The following MVK variants were observed in gnomAD, a reference collection of about 807,000 sequenced individuals.
MVK encodes LH receptor mRNA-binding protein.
Under a neutral mutation model 43.2 loss-of-function variants are expected in MVK, and 34 were observed. The ratio of observed to expected loss-of-function variants is 0.79; its 90% CI spans 0.60 to 1.05. The LOEUF is 1.05. Among genes scored for constraint, MVK ranks in the 50% least tolerant of loss-of-function variants. The pLI is 0.00. For missense variants in MVK, 395 were observed against 504.0 expected, an observed-to-expected ratio of 0.78 and a Z score of 2.07; for synonymous variants, 190 against 219.8, an observed-to-expected ratio of 0.86 and a Z score of 1.20.
intron 9 of MVK, 108 bp downstream of exon 9, chr12:109,591,465 A>C (rs1015042951): frequency 5.6e-6 from 6 of 1,072,344 alleles, no homozygotes; most frequent in Non-Finnish European, 7.0e-6. Context: ...TAGCACATAG[A>C]GGTCAGGACC....
intron 3 of MVK, among the ~76,000 whole-genome samples, chr12:109,577,579 A>G (rs1053177064): frequency 1.1e-4 from 16 of 152,168 alleles, no homozygotes; most frequent in Admixed American, 9.2e-4. Flanking sequence ...GGGCTCCCAA[A>G]GTGCTGGGGT....
intron 5 of MVK, among the ~76,000 whole-genome samples, chr12:109,581,809 CTG>C (rs1020199467): frequency 6.6e-6 from 1 of 152,224 alleles, no homozygotes; most frequent in African/African-American, 2.4e-5. Context: ...CATCTTGGCT[CTG>C]TTGGTTTCAA....
intron 9 of MVK, among the ~76,000 whole-genome samples, chr12:109,593,404 T>A (rs1261460905): frequency 6.6e-6 from 1 of 152,186 alleles, no homozygotes; most frequent in East Asian, 1.9e-4. Flanking sequence ...CCTCAGTGAT[T>A]GGCAACTCCT....
intron 2 of MVK, 82 bp downstream of exon 2, chr12:109,574,982 GAGGCACAGCTTGGGAGCAGATCAGAGAGA>G (rs1253117899): frequency 3.6e-6 from 5 of 1,371,310 alleles, no homozygotes; most frequent in Non-Finnish European, 5.1e-6. Context: ...AGGACACCCT[GAGGCACAGCTTGGGAGCAGATCAGAGAGA>G]TCAGGTTCTC....
At chr12:109,596,114 A>G (rs1228789726) in intron 10 of MVK, among the ~76,000 whole-genome samples, 2 of 152,182 alleles carry the variant, frequency 1.3e-5, no homozygotes, top group Non-Finnish European at 2.9e-5. Context: ...CCATTCCCAG[A>G]TGAGGAGACT....
intron 5 of MVK, among the ~76,000 whole-genome samples, chr12:109,582,687 T>G (rs1050286200): frequency 2.3e-5 from 3 of 132,942 alleles, no homozygotes; most frequent in African/African-American, 8.4e-5. Context: ...CTTTGAAGAC[T>G]CAAATCTGAG....
intron 5 of MVK, 66 bp downstream of exon 5, chr12:109,581,616 A>T: frequency 6.2e-7 from 1 of 1,607,720 alleles, no homozygotes; most frequent in South Asian, 1.1e-5. Context: ...GGCTTCTCTC[A>T]CTGAGACCTC....
At chr12:109,590,337 A>T in intron 7 of MVK, 1 of 316,238 alleles carries the variant, frequency 3.2e-6, no homozygotes, top group Non-Finnish European at 6.2e-6. Context: ...GGGTTCCGCC[A>T]CCTCCAGGCT....
At chr12:109,576,226 G>T in intron 3 of MVK, 81 bp downstream of exon 3, 2 of 1,567,236 alleles carry the variant, frequency 1.3e-6, no homozygotes, top group South Asian at 1.1e-5. Flanking sequence ...CTGTCCCCAA[G>T]GGAGCCAGGG....
chr12:109,576,786 G>A (rs1192750763), intron 3 of MVK, among the ~76,000 whole-genome samples: 2 of 151,394 alleles, frequency 1.3e-5, no homozygotes, highest in South Asian at 2.1e-4. Context: ...TAGGAGAATC[G>A]CTTGAACCTG....
Position 109,581,407 on chromosome 12 carries a change from C to A in MVK, c.384C>A (p.Ser128Arg). ...TGGTGTGTTTCAGGGCCCTGCCGAG[C>A]CTGGATATCGTAGTGTGGTCGGAGC... ...SICRKQRALP[S>R]LDIVVWSELP... The change falls in exon 5 of 11, where the codon AGC becomes AGA. Residue 128 changes from serine to arginine, a missense_variant. Physicochemically the swap from Ser to Arg is moderately radical, Grantham distance 110. Transcript: ENST00000228510. 6.2e-7 allele frequency: 1 copy of A among 1,614,048 alleles called. No individual in the cohort carries two copies. Among genetic ancestry groups the A allele is most frequent in the Non-Finnish European group, 8.5e-7 (1 of 1,180,020 alleles).
intron 1 of MVK, 144 bp downstream of exon 1, chr12:109,574,017 G>C (rs1884796797): frequency 6.5e-6 from 1 of 154,572 alleles, no homozygotes; most frequent in African/African-American, 2.4e-5. Context: ...TCTGACAGTC[G>C]TGATTTTGAG....
chr12:109,576,230 G>C, intron 3 of MVK, 85 bp downstream of exon 3: 1 of 1,552,768 alleles, frequency 6.4e-7, no homozygotes. Context: ...CCCCAAGGGA[G>C]CCAGGGGCCA....
rs1189179026 is a variant in MVK at position 109,596,561 on chromosome 12, C to T, written c.1175C>T (p.Ala392Val). Residue 392 changes from alanine to valine, a missense_variant, in exon 11 of 11, where the codon GCC becomes GTC. Ala to Val is a moderately conservative substitution (Grantham distance 64, BLOSUM62 0). Coordinates refer to ENST00000228510, the MANE Select transcript of MVK (RefSeq NM_000431.4). The part of the protein sequence containing the change: ...ATSLDSRVQQ[A>V]LDGL ...TCCCTGGACAGCCGAGTCCAGCAAG[C>T]CCTGGATGGCCTCTGAGAGGAGCCC... The T allele has an allele frequency of 4.3e-6, 7 of 1,610,344 alleles. No individual in the cohort carries two copies. Among genetic ancestry groups the T allele is most frequent in the African/African-American group, 1.3e-5 (1 of 75,058 alleles).
Sources: gnomAD v4.1 joint callset for allele counts (sites outside exome capture counted in the v4.1 genomes callset) on GRCh38, gnomAD v4.1.1 for gene constraint, MANE v1.5 for transcripts, NCBI Gene and HGNC (gene_info 2026-07-23, HGNC 2026-07-21) for gene names.